MARVELD2: variants seen among roughly 807,000 people sequenced by gnomAD.
MARVELD2 encodes the protein MARVEL domain-containing protein 2.
In MARVELD2, 49 loss-of-function variants were observed where a neutral mutation model predicts 57.6. The observed-to-expected ratio is 0.85, with a 90% confidence interval of 0.68 to 1.08. The LOEUF (loss-of-function observed/expected upper bound fraction) is 1.08. Among genes scored for constraint, MARVELD2 ranks in the 50% least tolerant of loss-of-function variants. The pLI is 0.00. For missense variants in MARVELD2, 606 were observed against 701.1 expected (o/e 0.86, Z 1.53); for synonymous variants, 238 against 258.8 (o/e 0.92, Z 0.77).
chr5:69,433,991 C>T (rs916887105), intron 5 of MARVELD2, among the ~76,000 whole-genome samples: 1 of 151,096 alleles, frequency 6.6e-6, no homozygotes, highest in South Asian at 2.1e-4. Context: ...AAGATAGATA[C>T]TGAGTCAGTC....
chr5:69,434,677 G>A (rs928806548), intron 5 of MARVELD2, among the ~76,000 whole-genome samples: 3 of 152,086 alleles, frequency 2.0e-5, no homozygotes, highest in Admixed American at 6.6e-5. Flanking sequence ...CTTATAACCT[G>A]TGCCATTTTT....
At chr5:69,422,495 G>A (rs912730965) in intron 2 of MARVELD2, among the ~76,000 whole-genome samples, 15 of 152,210 alleles carry the variant, frequency 9.9e-5, no homozygotes, top group Admixed American at 7.2e-4. Context: ...TTATTAGGAC[G>A]AGGAAATTCC....
rs142560436 is a variant in MARVELD2, at chr5:69,420,418, A to G, written c.1033A>G (p.Met345Val). The change falls in exon 2 of 7, where the codon ATG becomes GTG. Residue 345 changes from methionine to valine, a missense_variant. Transcript: ENST00000325631. ...GGTAGAAGGAGGACAGATAGCTGCA[A>G]TGATCTTCCTGTTTGTCACCATGAT... is the stretch of plus-strand genomic sequence containing the variant. The part of the protein sequence containing the change: ...CRVEGGQIAA[M>V]IFLFVTMIVY... 461 of 1,613,870 alleles carry G rather than the reference A, an allele frequency of 2.9e-4. No homozygotes were observed. The highest frequency in any genetic ancestry group is 3.6e-4 in the Non-Finnish European group (427 of 1,180,036).
chr5:69,432,159 C>T (rs1191488142), intron 3 of MARVELD2, among the ~76,000 whole-genome samples: 3 of 152,026 alleles, frequency 2.0e-5, no homozygotes, highest in Non-Finnish European at 4.4e-5. Context: ...TATAGGCACC[C>T]GCCACCACTC....
At chr5:69,424,719 G>C in intron 3 of MARVELD2, 83 bp downstream of exon 3, 1 of 1,099,478 alleles carries the variant, frequency 9.1e-7, no homozygotes. Flanking sequence ...TAGTAGTATC[G>C]TACATCTGTG....
chr5:69,433,892 A>G (rs1767053524), intron 5 of MARVELD2, among the ~76,000 whole-genome samples: 1 of 152,122 alleles, frequency 6.6e-6, no homozygotes, highest in Non-Finnish European at 1.5e-5. Flanking sequence ...TTTGTCTTCA[A>G]TTATTAAACA....
At chr5:69,434,844 C>T (rs563868019) in intron 5 of MARVELD2, among the ~76,000 whole-genome samples, 4 of 151,646 alleles carry the variant, frequency 2.6e-5, no homozygotes, top group Middle Eastern at 3.4e-3. Context: ...TTCAGGCATG[C>T]GCCACCATGC....
intron 3 of MARVELD2, among the ~76,000 whole-genome samples, chr5:69,432,129 G>C (rs1766983802): frequency 6.6e-6 from 1 of 151,890 alleles, no homozygotes; most frequent in Non-Finnish European, 1.5e-5. Context: ...TCCTGCCTCA[G>C]CCTCCCGAGG....
chr5:69,433,054 A>G lies in MARVELD2; in HGVS notation c.1464A>G (p.Ala488=). The G allele has an allele frequency of 6.2e-7, 1 of 1,613,908 alleles. No individual in the cohort carries two copies. Among genetic ancestry groups the G allele is most frequent in the Non-Finnish European group, 8.5e-7 (1 of 1,179,970 alleles). Residue 488 remains alanine, a synonymous_variant, in exon 5 of 7, where the codon GCA becomes GCG. Coordinates refer to ENST00000325631, the MANE Select transcript of MARVELD2 (RefSeq NM_001038603.3). ...TGAGGAAGTTTGATGAGCTGGATGC[A>G]GTGATGAGCAGATTGCCACATCATT... The part of the protein sequence containing the change: ...AVLRKFDELD[A]VMSRLPHHSE...
intron 2 of MARVELD2, among the ~76,000 whole-genome samples, chr5:69,421,764 T>G (rs1766633678): frequency 6.6e-6 from 1 of 151,258 alleles, no homozygotes; most frequent in Non-Finnish European, 1.5e-5. Flanking sequence ...GCCTGGCCCG[T>G]TTTTTGGTTT....
At position 69,419,582 on chromosome 5, in the gene MARVELD2, CAGA is replaced by C. The variant is rs1766539157; in HGVS notation, c.202_204del (p.Glu68del). The C allele has an allele frequency of 1.2e-6, 2 of 1,613,922 alleles. No individual in the cohort carries two copies. Among genetic ancestry groups the C allele is most frequent in the African/African-American group, 2.7e-5 (2 of 74,926 alleles). Reference sequence around the variant, plus strand: ...GGCCCAGACTTCTACTCAAGTGACACAGAAGAACCAGCTATAGCGCCAGATCTC... The same window carrying C: ...GGCCCAGACTTCTACTCAAGTGACACAGAACCAGCTATAGCGCCAGATCTC... On this transcript the variant is annotated inframe_deletion, in exon 2 of 7. Transcript: ENST00000325631.
chr5:69,418,035 G>A (rs915560071), intron 1 of MARVELD2, among the ~76,000 whole-genome samples: 1 of 152,138 alleles, frequency 6.6e-6, no homozygotes, highest in Admixed American at 6.5e-5. Flanking sequence ...TTGAGCCAGG[G>A]AGATTGAGGC....
intron 2 of MARVELD2, among the ~76,000 whole-genome samples, chr5:69,421,915 T>C (rs1434934905): frequency 6.6e-6 from 1 of 151,474 alleles, no homozygotes; most frequent in African/African-American, 2.4e-5. Flanking sequence ...AGAACATAAA[T>C]TGTGAAGATT....
At chr5:69,434,879 G>A (rs1767083620) in intron 5 of MARVELD2, among the ~76,000 whole-genome samples, 1 of 151,956 alleles carries the variant, frequency 6.6e-6, no homozygotes, top group South Asian at 2.1e-4. Flanking sequence ...ATTTTTAGTA[G>A]AGACGGGGTT....
At chr5:69,425,183 G>A (rs1465519940) in intron 3 of MARVELD2, among the ~76,000 whole-genome samples, 1 of 142,374 alleles carries the variant, frequency 7.0e-6, no homozygotes, top group Non-Finnish European at 1.5e-5. Context: ...TCATAGGTGG[G>A]AATTGAACAA....
intron 5 of MARVELD2, among the ~76,000 whole-genome samples, chr5:69,436,383 T>G (rs1767138104): frequency 7.2e-6 from 1 of 139,808 alleles, no homozygotes; most frequent in Admixed American, 7.7e-5. Flanking sequence ...AAAAACTAAA[T>G]GTCAAATTTA....
chr5:69,443,516 T>C lies in MARVELD2; in HGVS notation c.*1862T>C, dbSNP rs1009019298. 1.3e-5 allele frequency: 2 copies of C among 152,208 alleles called. No homozygotes were observed. The highest frequency in any genetic ancestry group is 4.8e-5 in the African/African-American group (2 of 41,452). The allele number at this position is 152,208 out of a possible 1,614,324, so 9.4% of individuals were successfully genotyped here. A position where few individuals can be genotyped will look rare whatever the true frequency, so the allele number is the denominator to read the frequency against. ...GCCCAGCAGGGATGCTTCATCTTTC[T>C]AAGAATTATCTTGGCTTTGGACTTT... is the stretch of plus-strand genomic sequence containing the variant. On this transcript the variant is annotated 3_prime_UTR_variant, in exon 7 of 7. Coordinates refer to ENST00000325631, the MANE Select transcript of MARVELD2 (RefSeq NM_001038603.3).
intron 1 of MARVELD2, 106 bp from the exon 2 acceptor site, chr5:69,419,265 G>A (rs1766520788): frequency 1.8e-6 from 2 of 1,088,606 alleles, no homozygotes; most frequent in Admixed American, 4.0e-5. Context: ...AATTAGACAT[G>A]ATCCTGTTGG....
chr5:69,430,785 C>T (rs528004783), intron 3 of MARVELD2, among the ~76,000 whole-genome samples: 4 of 151,618 alleles, frequency 2.6e-5, no homozygotes, highest in South Asian at 4.2e-4. Context: ...CCACCCCCCT[C>T]GGCCTCCCAA....
Sources: allele counts gnomAD v4.1 joint callset (sites outside exome capture counted in the v4.1 genomes callset), GRCh38; gene constraint gnomAD v4.1.1; transcripts MANE v1.5; gene names NCBI Gene and HGNC (gene_info 2026-07-23, HGNC 2026-07-21).